PFKFB3: variants seen among roughly 807,000 people sequenced by gnomAD.
The protein encoded by PFKFB3 is 6-phosphofructo-2-kinase/fructose-2,6-bisphosphatase 3.
A neutral mutation model predicts 68.0 loss-of-function variants in PFKFB3; 33 were observed. The observed-to-expected ratio is 0.49, with a 90% confidence interval of 0.37 to 0.65. The LOEUF (loss-of-function observed/expected upper bound fraction) is 0.65. Ranked by LOEUF, PFKFB3 falls within the 30% of genes least tolerant of loss-of-function variation. PFKFB3 has a pLI of 0.00. For synonymous variants in PFKFB3, 315 were observed against 288.2 expected (o/e 1.09, Z -0.94); for missense variants, 586 against 712.2 (o/e 0.82, Z 2.02).
At chr10:6,156,256 C>T (rs919962823) in intron 1 of PFKFB3, among the ~76,000 whole-genome samples, 2 of 150,702 alleles carry the variant, frequency 1.3e-5, no homozygotes, top group African/African-American at 4.9e-5. Context: ...CAGGCTCAAG[C>T]AATCCTCTTG....
intron 14 of PFKFB3, among the ~76,000 whole-genome samples, chr10:6,230,898 T>C (rs1321187602): frequency 6.6e-6 from 1 of 152,068 alleles, no homozygotes; most frequent in Non-Finnish European, 1.5e-5. Flanking sequence ...GTATTTTTAG[T>C]AGAGATGGGG....
chr10:6,262,414 C>G, the PFKFB3 span, among the ~76,000 whole-genome samples: 1 of 136,868 alleles, frequency 7.3e-6, no homozygotes, highest in Non-Finnish European at 1.5e-5. Context: ...GAGATCACAC[C>G]ACTGCACTCC....
chr10:6,206,490 G>A lies in PFKFB3; in HGVS notation c.76+3154G>A, dbSNP rs866007075. On this transcript the variant is annotated intron_variant, in intron 1 of 14. Transcript: ENST00000379775. Reference sequence around the variant, plus strand: ...GGGTACACCTCCCAGACGGGGTGGTGGCCGGGCAGAGGGGCTCCTCACTTC... The same window carrying A: ...GGGTACACCTCCCAGACGGGGTGGTAGCCGGGCAGAGGGGCTCCTCACTTC... Among the ~76,000 whole-genome samples, 156 of 100,786 alleles carry A rather than the reference G, an allele frequency of 1.5e-3. 8 individuals are homozygous for A. Among genetic ancestry groups the A allele is most frequent in the African/African-American group, 5.9e-3 (114 of 19,464 alleles). 66.1% of individuals were successfully genotyped at this position (100,786 alleles called of 152,430 possible). A position where few individuals can be genotyped will look rare whatever the true frequency, so the allele number is the denominator to read the frequency against.
At chr10:6,232,409 C>G (rs2132052581) in intron 14 of PFKFB3, among the ~76,000 whole-genome samples, 1 of 152,224 alleles carries the variant, frequency 6.6e-6, no homozygotes, top group Admixed American at 6.5e-5. Context: ...CCATGTATCA[C>G]CTGTGTTCTG....
the PFKFB3 span, chr10:6,294,279 C>G: frequency 2.0e-6 from 1 of 508,406 alleles, no homozygotes; most frequent in African/African-American, 2.0e-5. Flanking sequence ...TTAATCTGTT[C>G]TCACACTGTT....
At chr10:6,180,427 T>C (rs1334760086) in intron 1 of PFKFB3, among the ~76,000 whole-genome samples, 2 of 152,180 alleles carry the variant, frequency 1.3e-5, no homozygotes, top group Non-Finnish European at 2.9e-5. Flanking sequence ...ACATTTCAAT[T>C]TTCTTCAAGT....
At chr10:6,277,822 C>A in the PFKFB3 span, 1 of 370,960 alleles carries the variant, frequency 2.7e-6, no homozygotes, top group South Asian at 2.0e-5. Flanking sequence ...TTCTTTATAG[C>A]AGTGTGAGAA....
At chr10:6,216,054 T>G in intron 3 of PFKFB3, 71 bp from the exon 4 acceptor site, 1 of 1,353,202 alleles carries the variant, frequency 7.4e-7, no homozygotes, top group Non-Finnish European at 1.1e-6. Flanking sequence ...TCGGGGCGTG[T>G]CGGGAGTTGC....
chr10:6,156,027 C>T (rs1409474707), intron 1 of PFKFB3, among the ~76,000 whole-genome samples: 1 of 152,112 alleles, frequency 6.6e-6, no homozygotes, highest in East Asian at 1.9e-4. Context: ...GCCATCCTCC[C>T]AACTTTTGGA....
At chr10:6,145,091 T>G in intron 1 of PFKFB3, 3 of 1,167,330 alleles carry the variant, frequency 2.6e-6, no homozygotes, top group Non-Finnish European at 1.1e-6. Flanking sequence ...ACCCGAGCCT[T>G]GGGTCCTCGC....
chr10:6,226,891 G>A (rs1845396454), intron 14 of PFKFB3, among the ~76,000 whole-genome samples: 1 of 152,216 alleles, frequency 6.6e-6, no homozygotes, highest in Admixed American at 6.5e-5. Flanking sequence ...TTCCAGACCA[G>A]CCTGGCCAAC....
chr10:6,199,998 GC>G (rs1843284251), upstream of PFKFB3, among the ~76,000 whole-genome samples: 1 of 151,476 alleles, frequency 6.6e-6, no homozygotes, highest in Non-Finnish European at 1.5e-5. Flanking sequence ...CTAGCTATCT[GC>G]GTCCGTGTCA....
In PFKFB3 at chr10:6,215,932, C is replaced by T. The variant is rs1844550726; in HGVS notation, c.300-193C>T. Among the ~76,000 whole-genome samples the T allele has an allele frequency of 2.6e-5, 4 of 152,280 alleles. No individual in the cohort carries two copies. In the South Asian group the frequency reaches 8.3e-4, roughly 32 times the overall value. On this transcript the variant is annotated intron_variant, in intron 3 of 14. Transcript: ENST00000379775. This position sits in a 1 kb window ranked among gnomAD's most constrained non-coding sequence, Gnocchi z 4.3. The stretch of plus-strand genomic sequence containing the variant: ...GTTTGAGCACCGCCTCCCGAGGGTT[C>T]CTGAGGCCACCCGTGTGGGGCCCCA...
chr10:6,258,905 C>T (rs1846513167), downstream of PFKFB3, among the ~76,000 whole-genome samples: 1 of 152,200 alleles, frequency 6.6e-6, no homozygotes, highest in South Asian at 2.1e-4. Context: ...AAAATGGCCA[C>T]CAACTTTCCT....
intron 1 of PFKFB3, among the ~76,000 whole-genome samples, chr10:6,193,543 T>C (rs952248051): frequency 6.6e-6 from 1 of 152,210 alleles, no homozygotes; most frequent in Non-Finnish European, 1.5e-5. Flanking sequence ...TGTAGTCCAG[T>C]GATTACTCTC....
chr10:6,282,481 T>C, the PFKFB3 span, among the ~76,000 whole-genome samples: 1 of 152,066 alleles, frequency 6.6e-6, no homozygotes, highest in South Asian at 2.1e-4. Context: ...CCACTGTAAA[T>C]TTAAAGGGAT....
intron 14 of PFKFB3, among the ~76,000 whole-genome samples, chr10:6,247,781 G>A (rs942814864): frequency 6.6e-6 from 1 of 152,240 alleles, no homozygotes; most frequent in Non-Finnish European, 1.5e-5. Context: ...ACTAGGGAAT[G>A]AATAAATCAA....
At chr10:6,147,163 C>T (rs1011528638) in intron 1 of PFKFB3, among the ~76,000 whole-genome samples, 6 of 152,230 alleles carry the variant, frequency 3.9e-5, no homozygotes, top group Admixed American at 3.9e-4. Flanking sequence ...GGGACAAGGT[C>T]CTCCTGTGAG....
Position 6,228,301 on chromosome 10 carries a change from G to C in PFKFB3, c.1515+1936G>C. 6.7e-7 allele frequency: 1 copy of C among 1,489,270 alleles called. No homozygotes were observed. Among genetic ancestry groups the C allele is most frequent in the South Asian group, 1.1e-5 (1 of 88,492 alleles). The allele number at this position is 1,489,270 out of a possible 1,614,324, so 92.3% of individuals were successfully genotyped here. A position where few individuals can be genotyped will look rare whatever the true frequency, so the allele number is the denominator to read the frequency against. ...TTGGCCTCCTGCCTGTTAAAATATT[G>C]AGGATGAGAGCAGTTTTGTGATGTG... is the stretch of plus-strand genomic sequence containing the variant. On this transcript the variant is annotated intron_variant, in intron 14 of 14. Transcript: ENST00000379775. This position sits in a 1 kb window ranked among gnomAD's most constrained non-coding sequence, Gnocchi z 4.5.
Sources: allele counts gnomAD v4.1 joint callset (sites outside exome capture counted in the v4.1 genomes callset), GRCh38; gene constraint gnomAD v4.1.1; non-coding constraint Gnocchi (gnomAD v3.1); transcripts MANE v1.5; gene names NCBI Gene and HGNC (gene_info 2026-07-23, HGNC 2026-07-21).